The following PLA2G2E variants were observed in gnomAD, a reference collection of about 807,000 sequenced individuals.
The protein encoded by PLA2G2E is group IIE secretory phospholipase A2.
Under a neutral mutation model 16.5 loss-of-function variants are expected in PLA2G2E, and 14 were observed. The ratio of observed to expected loss-of-function variants is 0.85; its 90% CI spans 0.56 to 1.33. The LOEUF is 1.33. Among genes scored for constraint, PLA2G2E ranks in the 40% most tolerant of loss-of-function variants. PLA2G2E has a pLI of 0.00. For synonymous variants in PLA2G2E, 72 were observed against 77.2 expected, an observed-to-expected ratio of 0.93 and a Z score of 0.36; for missense variants, 174 against 190.7, an observed-to-expected ratio of 0.91 and a Z score of 0.52.
intron 3 of PLA2G2E, among the ~76,000 whole-genome samples, chr1:19,921,726 T>C (rs2045817880): frequency 6.6e-6 from 1 of 152,200 alleles, no homozygotes; most frequent in Non-Finnish European, 1.5e-5. Context: ...GGAGAGAGCT[T>C]GGCTCTCTCA....
rs775498456 is a variant in PLA2G2E, at chr1:19,922,711, C to T, written c.85G>A (p.Glu29Lys). 10 of 1,613,806 alleles carry T rather than the reference C, an allele frequency of 6.2e-6. No individual in the cohort carries two copies. The highest frequency in any genetic ancestry group is 1.7e-5 in the Admixed American group (1 of 59,982). ...AGGGCGGACTTGCCTGTCATCTTCT[C>T]GATCATCACCCCAAACTGAACCAGG... ...GNLVQFGVMI[E>K]KMTGKSALQY... Residue 29 changes from glutamate to lysine, a missense_variant, in exon 2 of 4, where the codon GAG (glutamate) becomes AAG (lysine). Physicochemically the swap from Glu to Lys is moderately conservative, Grantham distance 56. Coordinates refer to ENST00000375116, the MANE Select transcript of PLA2G2E (RefSeq NM_014589.3).
At position 19,920,617 on chromosome 1, in the gene PLA2G2E, C is replaced by T. The variant is rs564039557; in HGVS notation, c.287-168G>A. Reference sequence around the variant, plus strand: ...GGTGAGACAAGAGACAAGGGCGGGGCGCACTGTGGCTCAGGACACCAGGGA... The same window carrying T: ...GGTGAGACAAGAGACAAGGGCGGGGTGCACTGTGGCTCAGGACACCAGGGA... On this transcript the variant is annotated intron_variant, in intron 3 of 3. Coordinates refer to ENST00000375116, the MANE Select transcript of PLA2G2E (RefSeq NM_014589.3). The surrounding 1 kb of genome is among the most constrained non-coding windows in gnomAD (Gnocchi z 4.3). 2.0e-5 allele frequency among the ~76,000 whole-genome samples: 3 copies of T among 152,250 alleles called. No individual in the cohort carries two copies. The highest frequency in any genetic ancestry group is 4.1e-4 in the South Asian group (2 of 4,826).
At position 19,920,049 on chromosome 1, in the gene PLA2G2E, G is replaced by A. The variant is rs1054727423; in HGVS notation, c.*258C>T. 1.4e-5 allele frequency: 6 copies of A among 429,004 alleles called. No individual in the cohort carries two copies. Among genetic ancestry groups the A allele is most frequent in the African/African-American group, 1.2e-4 (6 of 50,936 alleles). 26.6% of individuals were successfully genotyped at this position (429,004 alleles called of 1,614,324 possible). On this transcript the variant is annotated 3_prime_UTR_variant, in exon 4 of 4. Coordinates refer to ENST00000375116, the MANE Select transcript of PLA2G2E (RefSeq NM_014589.3). The surrounding 1 kb of genome is among the most constrained non-coding windows in gnomAD (Gnocchi z 4.3). ...ATTCACTTATTCAGAAGAGGGAGCTGAGATCCCAGAAGCTAGTGACAGTCT... is the reference window on the plus strand; with the variant it reads ...ATTCACTTATTCAGAAGAGGGAGCTAAGATCCCAGAAGCTAGTGACAGTCT...
chr1:19,922,787 G>GAGGGA (rs375204684), intron 1 of PLA2G2E, 32 bp from the exon 2 acceptor site: 1 of 1,611,566 alleles, frequency 6.2e-7, no homozygotes, highest in Non-Finnish European at 8.5e-7. Flanking sequence ...GGGAGAGGGA[G>GAGGGA]GGCCCCACCC....
At chr1:19,923,291 G>T (rs1470300276) in intron 1 of PLA2G2E, among the ~76,000 whole-genome samples, 2 of 152,224 alleles carry the variant, frequency 1.3e-5, no homozygotes, top group African/African-American at 4.8e-5. Flanking sequence ...GGAAGCGCCA[G>T]CCCCTGGCCC....
chr1:19,922,735 G>C lies in PLA2G2E; in HGVS notation c.61C>G (p.Leu21Val). 1.2e-6 allele frequency: 2 copies of C among 1,613,680 alleles called. No individual in the cohort carries two copies. Among genetic ancestry groups the C allele is most frequent in the Non-Finnish European group, 1.7e-6 (2 of 1,179,950 alleles). Residue 21 changes from leucine (L) to valine (V), a missense_variant, in exon 2 of 4, where the codon CTG becomes GTG. Physicochemically the swap from Leu to Val is conservative, Grantham distance 32. Coordinates refer to ENST00000375116, the MANE Select transcript of PLA2G2E (RefSeq NM_014589.3). ...TCGATCATCACCCCAAACTGAACCA[G>C]GTTCCCGGTGACCAGAGCCACTGCA... ...CLLVALVTGNLVQFGVMIEKM... is the reference protein window; with the variant it reads ...CLLVALVTGNVVQFGVMIEKM...
chr1:19,923,284 A>T lies in PLA2G2E; in HGVS notation c.40+236T>A, dbSNP rs3767218. 1.8e-3 allele frequency among the ~76,000 whole-genome samples: 269 copies of T among 152,260 alleles called. 3 individuals carry two copies. Among genetic ancestry groups the T allele is most frequent in the Middle Eastern group, 0.01 (3 of 294 alleles). ...GGAGCCTAGGGTGTGCCATCCGGGA[A>T]GCGCCAGCCCCTGGCCCATGCCCCT... On this transcript the variant is annotated intron_variant, in intron 1 of 3. Transcript: ENST00000375116.
In PLA2G2E at chr1:19,920,765, G is replaced by A. The variant is rs903248276; in HGVS notation, c.287-316C>T. ...AACTCTCACTGCCCCCGACCAGGGG[G>A]ATTTCTAGGCAACCCCTGCACCCCT... On this transcript the variant is annotated intron_variant, in intron 3 of 3. Transcript: ENST00000375116. The surrounding 1 kb of genome is among the most constrained non-coding windows in gnomAD (Gnocchi z 4.3). Among the ~76,000 whole-genome samples the A allele has an allele frequency of 6.6e-6, 1 of 152,126 alleles. No individual in the cohort carries two copies. Among genetic ancestry groups the A allele is most frequent in the Non-Finnish European group, 1.5e-5 (1 of 68,016 alleles).
Position 19,920,597 on chromosome 1 carries a change from GAC to G in PLA2G2E, c.287-150_287-149del. The G allele has an allele frequency of 1.4e-6, 1 of 735,964 alleles. No homozygotes were observed. The highest frequency in any genetic ancestry group is 2.2e-6 in the Non-Finnish European group (1 of 455,640). The allele number at this position is 735,964 out of a possible 1,614,324, so 45.6% of individuals were successfully genotyped here. A position where few individuals can be genotyped will look rare whatever the true frequency, so the allele number is the denominator to read the frequency against. ...CCCGGGTTGTTTCACGGATGGGTGA[GAC>G]AAGAGACAAGGGCGGGGCGCACTGT... is the stretch of plus-strand genomic sequence containing the variant. On this transcript the variant is annotated intron_variant, in intron 3 of 3. Coordinates refer to ENST00000375116, the MANE Select transcript of PLA2G2E (RefSeq NM_014589.3). The surrounding 1 kb of genome is among the most constrained non-coding windows in gnomAD (Gnocchi z 4.3).
chr1:19,922,444 AG>A (rs1461006772), intron 2 of PLA2G2E, 40 bp from the exon 3 acceptor site: 1 of 1,591,472 alleles, frequency 6.3e-7, no homozygotes, highest in Non-Finnish European at 8.6e-7. Flanking sequence ...CCTGTGAGCC[AG>A]GCTGGGCTGG....
intron 3 of PLA2G2E, among the ~76,000 whole-genome samples, chr1:19,921,788 G>A (rs559526506): frequency 6.6e-6 from 1 of 152,334 alleles, no homozygotes; most frequent in African/African-American, 2.4e-5. Flanking sequence ...CCTGGGCCTG[G>A]GACTGAAGGA....
chr1:19,920,138 G>T lies in PLA2G2E; in HGVS notation c.*169C>A. On this transcript the variant is annotated 3_prime_UTR_variant, in exon 4 of 4. Transcript: ENST00000375116. The surrounding 1 kb of genome is among the most constrained non-coding windows in gnomAD (Gnocchi z 4.3). The stretch of plus-strand genomic sequence containing the variant: ...TCTTTCTACAGAGAAGGGGTAGCCT[G>T]GGAGGCTAGTGATGGTCCAGGACAT... 1 of 615,562 alleles carries T rather than the reference G, an allele frequency of 1.6e-6. No individual in the cohort carries two copies. The highest frequency in any genetic ancestry group is 3.1e-5 in the Admixed American group (1 of 32,230). 38.1% of individuals were successfully genotyped at this position (615,562 alleles called of 1,614,324 possible).
At chr1:19,922,918 T>C (rs2045829075) in intron 1 of PLA2G2E, among the ~76,000 whole-genome samples, 163 bp from the exon 2 acceptor site, 1 of 152,060 alleles carries the variant, frequency 6.6e-6, no homozygotes, top group Non-Finnish European at 1.5e-5. Flanking sequence ...TAATAAGTAA[T>C]AATATTGCCA....
Position 19,923,504 on chromosome 1 carries a change from C to A in PLA2G2E, c.40+16G>T. Reference sequence around the variant, plus strand: ...CCAGATGGGGCAGAAGGCTGAAGGTCACAAAGATCACTTACCCAGGAGGCA... The same window carrying A: ...CCAGATGGGGCAGAAGGCTGAAGGTAACAAAGATCACTTACCCAGGAGGCA... On this transcript the variant is annotated intron_variant, in intron 1 of 3. Coordinates refer to ENST00000375116, the MANE Select transcript of PLA2G2E (RefSeq NM_014589.3). 6.5e-7 allele frequency: 1 copy of A among 1,547,066 alleles called. No individual in the cohort carries two copies. Among genetic ancestry groups the A allele is most frequent in the South Asian group, 1.2e-5 (1 of 83,048 alleles).
Position 19,922,327 on chromosome 1 carries a change from A to G in PLA2G2E, c.257T>C (p.Phe86Ser), listed in dbSNP as rs2045822695. The change falls in exon 3 of 4, where the codon TTC becomes TCC. Residue 86 changes from phenylalanine to serine, a missense_variant. Phe to Ser is a radical substitution (Grantham distance 155). Coordinates refer to ENST00000375116, the MANE Select transcript of PLA2G2E (RefSeq NM_014589.3). ...GAAAATGCCACGTTCGCTGACAGAG[A>G]AAAGATACTTTTCCAGTTTGGGCTC... ...GCEPKLEKYL[F>S]SVSERGIFCA... 3 of 1,613,916 alleles carry G rather than the reference A, an allele frequency of 1.9e-6. No individual in the cohort carries two copies. Among genetic ancestry groups the G allele is most frequent in the Admixed American group, 3.3e-5 (2 of 59,998 alleles).
chr1:19,922,479 G>A lies in PLA2G2E; in HGVS notation c.180-75C>T, dbSNP rs2045824055. On this transcript the variant is annotated intron_variant, in intron 2 of 3. Transcript: ENST00000375116. Reference sequence around the variant, plus strand: ...GGACCAGGGGCTGCTCGGGGCCCCCGAGCCCAAAGCAGCCCAGAGGAGAGA... The same window carrying A: ...GGACCAGGGGCTGCTCGGGGCCCCCAAGCCCAAAGCAGCCCAGAGGAGAGA... 12 of 1,547,820 alleles carry A rather than the reference G, an allele frequency of 7.8e-6. No homozygotes were observed. The Admixed American group carries it at 9.4e-5, about 12-fold the overall frequency.
At chr1:19,923,336 C>T (rs2045834082) in intron 1 of PLA2G2E, among the ~76,000 whole-genome samples, 184 bp downstream of exon 1, 1 of 152,238 alleles carries the variant, frequency 6.6e-6, no homozygotes, top group Non-Finnish European at 1.5e-5. Context: ...CATTCTCCTC[C>T]CCTCTGCTCC....
chr1:19,921,136 G>T (rs2045810898), intron 3 of PLA2G2E, among the ~76,000 whole-genome samples: 1 of 152,198 alleles, frequency 6.6e-6, no homozygotes, highest in Non-Finnish European at 1.5e-5. Flanking sequence ...GCTCCCTTTT[G>T]TCCCCATGAC....
rs1476458618 is a variant in PLA2G2E at position 19,920,574 on chromosome 1, C to T, written c.287-125G>A. ...CCATTCTGATGGAAGCCCAAGCTCC[C>T]GGGTTGTTTCACGGATGGGTGAGAC... On this transcript the variant is annotated intron_variant, in intron 3 of 3. Transcript: ENST00000375116. This position sits in a 1 kb window ranked among gnomAD's most constrained non-coding sequence, Gnocchi z 4.3. 5.6e-5 allele frequency: 54 copies of T among 970,504 alleles called. No homozygotes were observed. Among genetic ancestry groups the T allele is most frequent in the Admixed American group, 7.7e-5 (3 of 39,078 alleles). 60.1% of individuals were successfully genotyped at this position (970,504 alleles called of 1,614,324 possible).
Sources: gnomAD v4.1 joint callset for allele counts (sites outside exome capture counted in the v4.1 genomes callset) on GRCh38, gnomAD v4.1.1 for gene constraint, Gnocchi (gnomAD v3.1) non-coding constraint, MANE v1.5 for transcripts, NCBI Gene and HGNC (gene_info 2026-07-23, HGNC 2026-07-21) for gene names.